The following GRM8 variants were observed in gnomAD, a reference collection of about 807,000 sequenced individuals.
The protein encoded by GRM8 is glutamate metabotropic receptor 8.
GRM8 carries 47 observed loss-of-function variants against 87.2 expected under a neutral mutation model. That is an observed-to-expected ratio of 0.54 (90% CI 0.43 to 0.69). The LOEUF (loss-of-function observed/expected upper bound fraction) is 0.69, where lower values mean the gene tolerates loss of function less well. GRM8 is among the 30% of genes least tolerant of loss of function. The pLI, the probability that GRM8 is intolerant of heterozygous loss-of-function variation, is 0.00. For missense variants in GRM8, 1,019 were observed against 1,139.2 expected (o/e 0.89, Z 1.52); for synonymous variants, 396 against 404.5 (o/e 0.98, Z 0.25).
At chr7:126,529,043 A>G (rs1218622723) in intron 9 of GRM8, among the ~76,000 whole-genome samples, 1 of 152,232 alleles carries the variant, frequency 6.6e-6, no homozygotes, top group Non-Finnish European at 1.5e-5. Flanking sequence ...TGAATTCTGG[A>G]TGAAACAAAG....
intron 3 of GRM8, among the ~76,000 whole-genome samples, chr7:126,910,210 G>T (rs1285221741): frequency 6.6e-6 from 1 of 152,164 alleles, no homozygotes; most frequent in African/African-American, 2.4e-5. Context: ...TTCTCAGGAA[G>T]ACTTTTCTGA....
chr7:126,585,358 C>T (rs899005234), intron 8 of GRM8, among the ~76,000 whole-genome samples: 16 of 152,084 alleles, frequency 1.1e-4, no homozygotes, highest in Non-Finnish European at 1.5e-4. Flanking sequence ...TTATGCTTTT[C>T]GTATCATCAC....
chr7:126,469,815 C>G (rs926338992), intron 9 of GRM8, among the ~76,000 whole-genome samples: 4 of 152,046 alleles, frequency 2.6e-5, no homozygotes, highest in African/African-American at 7.2e-5. Flanking sequence ...TAAATTGGTA[C>G]TGGTAGAGTG....
chr7:126,734,095 C>T (rs1004577828), intron 7 of GRM8, among the ~76,000 whole-genome samples: 1 of 151,874 alleles, frequency 6.6e-6, no homozygotes, highest in African/African-American at 2.4e-5. Context: ...CAGCAAATAT[C>T]AAATCTCCAT....
rs77175304 is a variant in GRM8, at chr7:126,747,025, G to T, written c.1357+22840C>A. On this transcript the variant is annotated intron_variant, in intron 7 of 10. Coordinates refer to ENST00000339582, the MANE Select transcript of GRM8 (RefSeq NM_000845.3). ...AATGTATGTATCTTAACTCCTAATT[G>T]AAATATATTTTTTTCATGTTTAGGG... is the stretch of plus-strand genomic sequence containing the variant. 4.0e-3 allele frequency among the ~76,000 whole-genome samples: 608 copies of T among 151,790 alleles called. 19 individuals carry two copies. The East Asian group carries it at 0.079, about 20-fold the overall frequency.
intron 3 of GRM8, among the ~76,000 whole-genome samples, chr7:127,104,641 C>T (rs1825645256): frequency 4.6e-5 from 7 of 152,068 alleles, no homozygotes; most frequent in Admixed American, 4.6e-4. Context: ...CCAATCAAGT[C>T]ACAGAATACT....
At chr7:127,150,720 T>G (rs753664430) in intron 2 of GRM8, among the ~76,000 whole-genome samples, 2 of 152,126 alleles carry the variant, frequency 1.3e-5, no homozygotes, top group African/African-American at 4.8e-5. Flanking sequence ...AGTTCTGTCC[T>G]CAACCTCTAT....
rs575206465 is a variant in GRM8, at chr7:126,857,628, G to A, written c.1156+44914C>T. On this transcript the variant is annotated intron_variant, in intron 6 of 10. Transcript: ENST00000339582. ...TCAGGTGAGACGAACTGCCTACCCAGGTCTTCTTTACTTCTCTGTCTTATT... is the reference window on the plus strand; with the variant it reads ...TCAGGTGAGACGAACTGCCTACCCAAGTCTTCTTTACTTCTCTGTCTTATT... Among the ~76,000 whole-genome samples, 10 of 152,220 alleles carry A rather than the reference G, an allele frequency of 6.6e-5. No individual in the cohort carries two copies. In the South Asian group the frequency reaches 2.1e-3, roughly 32 times the overall value.
intron 6 of GRM8, among the ~76,000 whole-genome samples, chr7:126,822,723 C>G (rs1420423975): frequency 1.3e-5 from 2 of 152,134 alleles, no homozygotes; most frequent in Non-Finnish European, 2.9e-5. Flanking sequence ...ACTCCTATCT[C>G]TTAGTGCTTT....
At chr7:126,444,823 G>A (rs932286232) in intron 10 of GRM8, among the ~76,000 whole-genome samples, 2 of 151,964 alleles carry the variant, frequency 1.3e-5, no homozygotes, top group African/African-American at 4.8e-5. Flanking sequence ...GAATATGAGA[G>A]GAAGAGAATA....
At chr7:126,833,786 A>G (rs1478277000) in intron 6 of GRM8, among the ~76,000 whole-genome samples, 1 of 152,162 alleles carries the variant, frequency 6.6e-6, no homozygotes, top group African/African-American at 2.4e-5. Context: ...TCAGTACATA[A>G]CAATGGTCAT....
intron 6 of GRM8, among the ~76,000 whole-genome samples, chr7:126,782,412 G>A (rs1481246993): frequency 1.3e-5 from 2 of 152,104 alleles, no homozygotes; most frequent in Non-Finnish European, 2.9e-5. Context: ...TCTCTTTTCA[G>A]CTTCATTTTC....
chr7:126,942,772 C>A (rs1399195931), intron 3 of GRM8, among the ~76,000 whole-genome samples: 2 of 152,166 alleles, frequency 1.3e-5, no homozygotes, highest in Non-Finnish European at 2.9e-5. Flanking sequence ...GCTAACCTTT[C>A]TTTCCTTTGC....
intron 8 of GRM8, among the ~76,000 whole-genome samples, chr7:126,556,592 A>G (rs1187746493): frequency 6.6e-6 from 1 of 152,194 alleles, no homozygotes; most frequent in African/African-American, 2.4e-5. Context: ...GGTTGCAGTG[A>G]GCTGAGATTG....
intron 7 of GRM8, among the ~76,000 whole-genome samples, chr7:126,617,018 T>G (rs1799574038): frequency 6.6e-6 from 1 of 152,170 alleles, no homozygotes; most frequent in Non-Finnish European, 1.5e-5. Flanking sequence ...CCTCCCTAAC[T>G]CATTTTATGA....
rs199773453 is a variant in GRM8 at position 126,578,705 on chromosome 7, CT to C, written c.1494+30656del. On this transcript the variant is annotated intron_variant, in intron 8 of 10. Transcript: ENST00000339582. ...CTTTTATGTGCTTTAAAGATATGTGCTAAAGTCTACTTGAAGGCTGTATAAA... is the reference window on the plus strand; with the variant it reads ...CTTTTATGTGCTTTAAAGATATGTGCAAAGTCTACTTGAAGGCTGTATAAA... Among the ~76,000 whole-genome samples, 1,079 of 152,150 alleles carry C rather than the reference CT, an allele frequency of 7.1e-3. 8 individuals are homozygous for C. Among genetic ancestry groups the C allele is most frequent in the Non-Finnish European group, 9.2e-3 (623 of 68,004 alleles).
At chr7:127,109,672 T>A (rs991381043) in intron 2 of GRM8, among the ~76,000 whole-genome samples, 1 of 152,244 alleles carries the variant, frequency 6.6e-6, no homozygotes, top group African/African-American at 2.4e-5. Flanking sequence ...ATGACTCTGC[T>A]GGCTTATGAT....
At chr7:127,086,312 G>T (rs903059073) in intron 3 of GRM8, among the ~76,000 whole-genome samples, 4 of 152,186 alleles carry the variant, frequency 2.6e-5, no homozygotes, top group Non-Finnish European at 4.4e-5. Flanking sequence ...ATATTAGCCA[G>T]GATGGTCTCG....
chr7:126,651,658 A>G (rs1045196802), intron 7 of GRM8, among the ~76,000 whole-genome samples: 1 of 152,180 alleles, frequency 6.6e-6, no homozygotes, highest in Non-Finnish European at 1.5e-5. Flanking sequence ...TAAGATTGCC[A>G]CCTGGACACT....
Sources: allele counts gnomAD v4.1 joint callset (sites outside exome capture counted in the v4.1 genomes callset), GRCh38; gene constraint gnomAD v4.1.1; transcripts MANE v1.5; gene names NCBI Gene and HGNC (gene_info 2026-07-23, HGNC 2026-07-21).